TMEM132D: variants seen among roughly 807,000 people sequenced by gnomAD.
TMEM132D encodes the protein mature OL transmembrane protein.
Under a neutral mutation model 62.3 loss-of-function variants are expected in TMEM132D, and 21 were observed. The ratio of observed to expected loss-of-function variants is 0.34; its 90% confidence interval spans 0.24 to 0.49. The LOEUF (loss-of-function observed/expected upper bound fraction) is 0.49. Among genes scored for constraint, TMEM132D ranks in the 20% least tolerant of loss-of-function variants. TMEM132D has a pLI of 0.99. For synonymous variants in TMEM132D, 621 were observed against 575.6 expected, an observed-to-expected ratio of 1.08 and a Z score of -1.13; for missense variants, 1,346 against 1,402.8, an observed-to-expected ratio of 0.96 and a Z score of 0.65.
chr12:129,562,055 A>T (rs973740850), intron 2 of TMEM132D, among the ~76,000 whole-genome samples: 2 of 152,202 alleles, frequency 1.3e-5, no homozygotes, highest in Non-Finnish European at 2.9e-5. Flanking sequence ...CTTGAGGAAC[A>T]TTTTACAGTG....
intron 1 of TMEM132D, among the ~76,000 whole-genome samples, chr12:129,844,488 A>G (rs1388301643): frequency 1.3e-5 from 2 of 152,226 alleles, no homozygotes; most frequent in Admixed American, 1.3e-4. Flanking sequence ...TAGGGAGATT[A>G]TTCATCACTA....
chr12:129,796,691 G>C (rs1180535655), intron 1 of TMEM132D, among the ~76,000 whole-genome samples: 1 of 152,110 alleles, frequency 6.6e-6, no homozygotes, highest in Non-Finnish European at 1.5e-5. Context: ...AGAACACATG[G>C]ACACAGGGAG....
chr12:129,137,053 C>T (rs994775766), intron 5 of TMEM132D, among the ~76,000 whole-genome samples: 2 of 150,742 alleles, frequency 1.3e-5, no homozygotes, highest in Non-Finnish European at 3.0e-5. Flanking sequence ...ATCCCATCAT[C>T]GCCGTCATCA....
At chr12:129,490,408 T>G (rs1186254479) in intron 3 of TMEM132D, among the ~76,000 whole-genome samples, 1 of 142,040 alleles carries the variant, frequency 7.0e-6, no homozygotes, top group Non-Finnish European at 1.5e-5. Flanking sequence ...CACCTGAACA[T>G]CATAATTTCC....
At chr12:129,871,234 T>C (rs1874231109) in intron 1 of TMEM132D, among the ~76,000 whole-genome samples, 1 of 152,144 alleles carries the variant, frequency 6.6e-6, no homozygotes, top group Admixed American at 6.5e-5. Context: ...GAGAGTGAAG[T>C]CAGAAATTCT....
intron 3 of TMEM132D, among the ~76,000 whole-genome samples, chr12:129,530,679 G>C (rs772431132): frequency 6.6e-6 from 1 of 152,146 alleles, no homozygotes; most frequent in South Asian, 2.1e-4. Flanking sequence ...GAAGAGAGAC[G>C]TATAGGCTCT....
At chr12:129,636,737 T>TGTGTGTGTGTGTGTGTGTGAGAGAGA (rs375868329) in intron 2 of TMEM132D, among the ~76,000 whole-genome samples, 7 of 113,632 alleles carry the variant, frequency 6.2e-5, no homozygotes, top group South Asian at 3.8e-4. Flanking sequence ...TGTGTGTGTG[T>TGTGTGTGTGTGTGTGTGTGAGAGAGA]GAGAGAGAGA....
chr12:129,786,754 G>C (rs982078214), intron 1 of TMEM132D, among the ~76,000 whole-genome samples: 1 of 152,212 alleles, frequency 6.6e-6, no homozygotes, highest in African/African-American at 2.4e-5. Flanking sequence ...GGCTGAGCTT[G>C]GTGGTACATG....
At chr12:129,237,255 C>T (rs1456710640) in intron 4 of TMEM132D, among the ~76,000 whole-genome samples, 1 of 151,948 alleles carries the variant, frequency 6.6e-6, no homozygotes, top group Admixed American at 6.6e-5. Context: ...TTATTTTTCT[C>T]TTTTTGTCAT....
chr12:129,706,713 G>A (rs1881515153), intron 1 of TMEM132D, among the ~76,000 whole-genome samples: 1 of 151,692 alleles, frequency 6.6e-6, no homozygotes, highest in Admixed American at 6.6e-5. Flanking sequence ...GCTACAAGGA[G>A]ACAATAATAA....
At chr12:129,815,481 G>C (rs901781369) in intron 1 of TMEM132D, among the ~76,000 whole-genome samples, 2 of 152,122 alleles carry the variant, frequency 1.3e-5, no homozygotes, top group African/African-American at 2.4e-5. Flanking sequence ...AGCTATTCTG[G>C]GGGGGTGACT....
At chr12:129,128,205 T>C (rs1876271532) in intron 5 of TMEM132D, among the ~76,000 whole-genome samples, 1 of 152,222 alleles carries the variant, frequency 6.6e-6, no homozygotes, top group African/African-American at 2.4e-5. Flanking sequence ...TTTTCGTGGC[T>C]TGGGCAGACA....
chr12:129,131,522 G>T lies in TMEM132D; in HGVS notation c.1444-46820C>A, dbSNP rs575492745. 2.0e-5 allele frequency among the ~76,000 whole-genome samples: 3 copies of T among 152,238 alleles called. No individual in the cohort carries two copies. In the South Asian group the frequency reaches 6.2e-4, roughly 32 times the overall value. ...CATAGGAGGCTGAGGCAGGAGAATCGCTTGAACGCAGGAGGTGGAGGTTGC... is the reference window on the plus strand; with the variant it reads ...CATAGGAGGCTGAGGCAGGAGAATCTCTTGAACGCAGGAGGTGGAGGTTGC... On this transcript the variant is annotated intron_variant, in intron 5 of 8. Coordinates refer to ENST00000422113, the MANE Select transcript of TMEM132D (RefSeq NM_133448.3).
In TMEM132D at chr12:129,827,386, C is replaced by T. The variant is rs370713506; in HGVS notation, c.79+75875G>A. ...CCCAGGCAGAACTCTGGAGCACTGG[C>T]TAAAAACTGTAAGCAGCTGAACCAA... On this transcript the variant is annotated intron_variant, in intron 1 of 8. Transcript: ENST00000422113. This position sits in a 1 kb window ranked among gnomAD's most constrained non-coding sequence, Gnocchi z 9.7. Among the ~76,000 whole-genome samples, 2 of 152,152 alleles carry T rather than the reference C, an allele frequency of 1.3e-5. No individual in the cohort carries two copies. The highest frequency in any genetic ancestry group is 2.9e-5 in the Non-Finnish European group (2 of 68,026).
At chr12:129,386,512 C>T (rs1440955075) in intron 3 of TMEM132D, among the ~76,000 whole-genome samples, 1 of 152,026 alleles carries the variant, frequency 6.6e-6, no homozygotes, top group African/African-American at 2.4e-5. Context: ...CTAACAGTAT[C>T]ACTAATCATA....
intron 5 of TMEM132D, among the ~76,000 whole-genome samples, chr12:129,102,110 G>A (rs1358423772): frequency 1.3e-5 from 2 of 151,790 alleles, no homozygotes; most frequent in African/African-American, 4.8e-5. Flanking sequence ...ACCCTTGCCT[G>A]GGTATTTTTT....
At chr12:129,597,164 C>T (rs1878360526) in intron 2 of TMEM132D, among the ~76,000 whole-genome samples, 1 of 152,134 alleles carries the variant, frequency 6.6e-6, no homozygotes, top group Non-Finnish European at 1.5e-5. Flanking sequence ...CAAATATTTT[C>T]TATCCACAGT....
intron 1 of TMEM132D, among the ~76,000 whole-genome samples, chr12:129,755,524 T>C (rs1870140185): frequency 6.6e-6 from 1 of 152,140 alleles, no homozygotes; most frequent in Non-Finnish European, 1.5e-5. Flanking sequence ...CGATCGCTCA[T>C]CAGGGTCTGG....
chr12:129,209,824 G>T, intron 4 of TMEM132D, 161 bp from the exon 5 acceptor site: 1 of 942,726 alleles, frequency 1.1e-6, no homozygotes, highest in Non-Finnish European at 1.6e-6. Context: ...GACCGTGGCA[G>T]CCATGAGATA....
Sources: gnomAD v4.1 joint callset for allele counts (sites outside exome capture counted in the v4.1 genomes callset) on GRCh38, gnomAD v4.1.1 for gene constraint, Gnocchi (gnomAD v3.1) non-coding constraint, MANE v1.5 for transcripts, NCBI Gene and HGNC (gene_info 2026-07-23, HGNC 2026-07-21) for gene names.